MYO10: variants seen among roughly 807,000 people sequenced by gnomAD.
The protein encoded by MYO10 is unconventional myosin-X.
MYO10 carries 133 observed loss-of-function variants against 257.3 expected under a neutral mutation model. That is an observed-to-expected ratio of 0.52 (90% CI 0.45 to 0.60). The LOEUF (loss-of-function observed/expected upper bound fraction) is 0.60, where lower values mean the gene tolerates loss of function less well. Among genes scored for constraint, MYO10 ranks in the 20% least tolerant of loss-of-function variants. The pLI is 0.00. For synonymous variants in MYO10, 1,104 were observed against 1,028.6 expected (o/e 1.07, Z -1.40); for missense variants, 2,399 against 2,635.7 (o/e 0.91, Z 1.97).
At chr5:16,669,419 T>C (rs1327219355) in intron 39 of MYO10, among the ~76,000 whole-genome samples, 2 of 152,088 alleles carry the variant, frequency 1.3e-5, no homozygotes, top group African/African-American at 2.4e-5. Flanking sequence ...TTAGCCAGGA[T>C]GGTCTCGATC....
At chr5:16,852,069 A>G (rs1743821658) in intron 2 of MYO10, among the ~76,000 whole-genome samples, 1 of 149,596 alleles carries the variant, frequency 6.7e-6, no homozygotes, top group Non-Finnish European at 1.5e-5. Flanking sequence ...AAAAAAAAAA[A>G]AAAAAAAAGA....
chr5:16,762,143 A>AATATATAT, intron 15 of MYO10, 30 bp from the exon 16 acceptor site: 1 of 1,091,652 alleles, frequency 9.2e-7, no homozygotes. Flanking sequence ...AAAAAAAAAA[A>AATATATAT]ATACAATGCC....
chr5:16,864,146 C>CTT (rs1554004188), intron 2 of MYO10, among the ~76,000 whole-genome samples: 2 of 124,818 alleles, frequency 1.6e-5, no homozygotes, highest in African/African-American at 2.9e-5. Flanking sequence ...TGCTATGTGG[C>CTT]TATTTTTTTT....
chr5:16,773,127 G>A (rs1741103945), intron 9 of MYO10, among the ~76,000 whole-genome samples: 1 of 152,172 alleles, frequency 6.6e-6, no homozygotes, highest in African/African-American at 2.4e-5. Context: ...TTGAAGGTGG[G>A]AAGGCTATCA....
At chr5:16,915,272 A>T (rs1360690768) in intron 1 of MYO10, among the ~76,000 whole-genome samples, 1 of 152,228 alleles carries the variant, frequency 6.6e-6, no homozygotes, top group Non-Finnish European at 1.5e-5. Context: ...TAGGTAGTTC[A>T]TCTCTACATG....
chr5:16,753,489 G>A (rs1490745070), intron 19 of MYO10, among the ~76,000 whole-genome samples: 42 of 84,522 alleles, frequency 5.0e-4, no homozygotes, highest in African/African-American at 2.2e-3. Flanking sequence ...TTTTTTTTTG[G>A]GAGACAGAGT....
intron 3 of MYO10, among the ~76,000 whole-genome samples, chr5:16,800,320 G>A (rs1222910015): frequency 6.6e-6 from 1 of 152,130 alleles, no homozygotes; most frequent in Admixed American, 6.6e-5. Flanking sequence ...CACTTTTGGA[G>A]GCCAAGGTGG....
chr5:16,766,052 G>A (rs201908483), intron 11 of MYO10, 28 bp downstream of exon 11: 53 of 1,531,860 alleles, frequency 3.5e-5, no homozygotes, highest in Admixed American at 1.3e-4. Context: ...GTCTAGTAAC[G>A]CAAGATCAGA....
At chr5:16,813,622 C>T (rs1182837278) in intron 3 of MYO10, among the ~76,000 whole-genome samples, 2 of 151,820 alleles carry the variant, frequency 1.3e-5, no homozygotes, top group East Asian at 1.9e-4. Flanking sequence ...TGGCTCCTCC[C>T]GCAAAGACAT....
rs1041297101 is a variant in MYO10, at chr5:16,817,334, G to A, written c.279+675C>T. 1.4e-4 allele frequency among the ~76,000 whole-genome samples: 21 copies of A among 152,314 alleles called. 1 individual carries two copies. In the East Asian group the frequency reaches 3.1e-3, roughly 22 times the overall value. On this transcript the variant is annotated intron_variant, in intron 3 of 40. Transcript: ENST00000513610. ...GCAAACAGGCAGATGGAAAAGGGGA[G>A]AAAATCTGCAGGTCAACTGATCTTG...
intron 33 of MYO10, among the ~76,000 whole-genome samples, chr5:16,679,734 AG>A (rs1736899507): frequency 6.6e-6 from 1 of 152,052 alleles, no homozygotes; most frequent in African/African-American, 2.4e-5. Flanking sequence ...CATGTTGGCC[AG>A]GTTGGTCTTG....
intron 19 of MYO10, among the ~76,000 whole-genome samples, chr5:16,746,347 T>A (rs1213701955): frequency 1.3e-5 from 2 of 152,180 alleles, no homozygotes; most frequent in African/African-American, 4.8e-5. Context: ...GCTGACCTCC[T>A]ATCTCATCCT....
At chr5:16,795,241 C>A (rs1291750390) in intron 3 of MYO10, among the ~76,000 whole-genome samples, 1 of 152,096 alleles carries the variant, frequency 6.6e-6, no homozygotes, top group Non-Finnish European at 1.5e-5. Flanking sequence ...AGAGAGGTAG[C>A]CAGGGGTTGG....
intron 19 of MYO10, among the ~76,000 whole-genome samples, chr5:16,741,536 T>C (rs1054577227): frequency 6.6e-6 from 1 of 152,180 alleles, no homozygotes; most frequent in Non-Finnish European, 1.5e-5. Context: ...AGTTTTCCTA[T>C]AAAAGGTGAA....
intron 9 of MYO10, among the ~76,000 whole-genome samples, chr5:16,771,779 C>G (rs1229627457): frequency 6.6e-6 from 1 of 151,380 alleles, no homozygotes; most frequent in South Asian, 2.1e-4. Flanking sequence ...TGGAGTTTTG[C>G]GGTGTTGCCC....
chr5:16,817,824 T>C (rs977153502), intron 3 of MYO10, among the ~76,000 whole-genome samples, 185 bp downstream of exon 3: 1 of 152,158 alleles, frequency 6.6e-6, no homozygotes, highest in African/African-American at 2.4e-5. Context: ...TAATAAAACC[T>C]AGGCAATAAA....
At chr5:16,904,584 T>C (rs1276413244) in intron 1 of MYO10, among the ~76,000 whole-genome samples, 2 of 152,140 alleles carry the variant, frequency 1.3e-5, no homozygotes, top group Non-Finnish European at 2.9e-5. Flanking sequence ...GCAGAACTGA[T>C]TGCTTGCCTG....
At chr5:16,693,223 G>T (rs190972336) in intron 27 of MYO10, among the ~76,000 whole-genome samples, 1 of 152,128 alleles carries the variant, frequency 6.6e-6, no homozygotes, top group Non-Finnish European at 1.5e-5. Context: ...AGCCGAGATC[G>T]TGTCACTGCA....
In MYO10 at chr5:16,891,150, G is replaced by A. The variant is rs984484604; in HGVS notation, c.22-13443C>T. Among the ~76,000 whole-genome samples the A allele has an allele frequency of 6.6e-5, 10 of 151,590 alleles. 1 individual carries two copies. Among genetic ancestry groups the A allele is most frequent in the East Asian group, 3.9e-4 (2 of 5,166 alleles). On this transcript the variant is annotated intron_variant, in intron 1 of 40. Transcript: ENST00000513610. ...CATAACATTAGAAAATTAGCCAGGC[G>A]CGGTAGCAGGTGCCTGTAATCCCAG...
Sources: allele counts gnomAD v4.1 joint callset (sites outside exome capture counted in the v4.1 genomes callset), GRCh38; gene constraint gnomAD v4.1.1; transcripts MANE v1.5; gene names NCBI Gene and HGNC (gene_info 2026-07-23, HGNC 2026-07-21).